DIAPH2: variants seen among roughly 807,000 people sequenced by gnomAD.
DIAPH2 encodes the protein diaphanous related formin 2.
A neutral mutation model predicts 92.7 loss-of-function variants in DIAPH2; 35 were observed. That is an observed-to-expected ratio of 0.38 (90% CI 0.29 to 0.50). The LOEUF is 0.50. DIAPH2 is among the 20% of genes least tolerant of loss of function. The pLI is 0.94. For synonymous variants in DIAPH2, 301 were observed against 280.4 expected (o/e 1.07, Z -0.73); for missense variants, 701 against 819.5 (o/e 0.86, Z 1.77).
At chrX:97,346,284 C>T (rs1006364240) in intron 23 of DIAPH2, among the ~76,000 whole-genome samples, 12 of 110,999 alleles carry the variant, frequency 1.1e-4, no homozygotes, top group African/African-American at 3.9e-4. Flanking sequence ...GCCCTTTGGG[C>T]GATTAAGGTT....
At chrX:96,691,121 C>CAGCATACAT (rs1278839237) in intron 1 of DIAPH2, among the ~76,000 whole-genome samples, 16 of 111,780 alleles carry the variant, frequency 1.4e-4, no homozygotes, top group Non-Finnish European at 2.4e-4. Flanking sequence ...CTGTAAATAA[C>CAGCATACAT]AGCATACATA....
At chrX:97,546,555 G>A (rs887989319) in intron 26 of DIAPH2, among the ~76,000 whole-genome samples, 8 of 111,592 alleles carry the variant, frequency 7.2e-5, no homozygotes, top group Non-Finnish European at 1.5e-4. Flanking sequence ...CACGATCTTC[G>A]CTGGGAGTGG....
intron 17 of DIAPH2, among the ~76,000 whole-genome samples, chrX:96,995,364 TAAGAG>T (rs1413156801): frequency 9.0e-6 from 1 of 111,499 alleles, no homozygotes; most frequent in Non-Finnish European, 1.9e-5. Context: ...TAACGTTTGT[TAAGAG>T]AAAGAAAGAA....
chrX:96,835,694 G>T (rs975710467), intron 4 of DIAPH2, among the ~76,000 whole-genome samples: 1 of 112,297 alleles, frequency 8.9e-6, no homozygotes, highest in Non-Finnish European at 1.9e-5. Context: ...TTATCACAAA[G>T]AATGCTATTT....
intron 4 of DIAPH2, among the ~76,000 whole-genome samples, chrX:96,863,267 A>AT (rs1204362811): frequency 1.3e-5 from 1 of 79,219 alleles, no homozygotes; most frequent in African/African-American, 4.9e-5. Flanking sequence ...TTGGTTCTAC[A>AT]TTTTTTTCCT....
At chrX:97,384,096 G>A (rs1337335018) in intron 25 of DIAPH2, 52 bp downstream of exon 25, 1 of 990,224 alleles carries the variant, frequency 1.0e-6, no homozygotes, top group Admixed American at 3.0e-5. Flanking sequence ...CAAAATAATT[G>A]CAGTTATTTA....
chrX:96,955,522 A>G (rs1234592825), intron 15 of DIAPH2, among the ~76,000 whole-genome samples: 1 of 111,064 alleles, frequency 9.0e-6, no homozygotes, highest in African/African-American at 3.3e-5. Context: ...CATTAACCCA[A>G]AAGTCCAAGT....
intron 19 of DIAPH2, among the ~76,000 whole-genome samples, chrX:97,094,130 G>C (rs765835955): frequency 9.0e-6 from 1 of 111,454 alleles, no homozygotes; most frequent in Non-Finnish European, 1.9e-5. Flanking sequence ...CTTTAGATTT[G>C]TTCAGTTTGA....
intron 22 of DIAPH2, among the ~76,000 whole-genome samples, chrX:97,167,691 C>T (rs1400763661): frequency 9.0e-6 from 1 of 111,431 alleles, no homozygotes. Context: ...TTGTACTGTA[C>T]CAATTTATAA....
In DIAPH2 at chrX:97,298,879, A is replaced by G. The variant is rs1324338599; in HGVS notation, c.2845-49237A>G. On this transcript the variant is annotated intron_variant, in intron 23 of 26. Transcript: ENST00000324765. ...GTGATCCGCCCGCCTCCGCCTCCCA[A>G]AGTGCTGGGATTACAGGCGTGAGCC... Among the ~76,000 whole-genome samples the G allele has an allele frequency of 8.1e-5, 9 of 110,554 alleles. No homozygotes were observed. In the Admixed American group the frequency reaches 8.7e-4, roughly 11 times the overall value.
At chrX:97,429,413 A>G (rs1049681205) in intron 25 of DIAPH2, among the ~76,000 whole-genome samples, 1 of 111,526 alleles carries the variant, frequency 9.0e-6, no homozygotes, top group African/African-American at 3.3e-5. Flanking sequence ...TCAATAATAC[A>G]AAAGACAAGG....
intron 21 of DIAPH2, among the ~76,000 whole-genome samples, chrX:97,124,896 T>C (rs2067081714): frequency 9.0e-6 from 1 of 111,500 alleles, no homozygotes; most frequent in Admixed American, 9.6e-5. Context: ...ATGACCTTTT[T>C]GTTATGGAAG....
At chrX:97,187,281 C>CTTTTTTTGT (rs2067613538) in intron 22 of DIAPH2, among the ~76,000 whole-genome samples, 1 of 36,889 alleles carries the variant, frequency 2.7e-5, no homozygotes, top group Admixed American at 5.9e-4. Flanking sequence ...ATTAAGTAGC[C>CTTTTTTTGT]TTTTTTTTTT....
At chrX:97,385,589 T>C (rs1401524768) in intron 25 of DIAPH2, among the ~76,000 whole-genome samples, 1 of 111,413 alleles carries the variant, frequency 9.0e-6, no homozygotes, top group Non-Finnish European at 1.9e-5. Flanking sequence ...ACTATTATCA[T>C]CTCATTTTAC....
chrX:97,479,281 G>A (rs2070633557), intron 26 of DIAPH2, among the ~76,000 whole-genome samples: 1 of 109,752 alleles, frequency 9.1e-6, no homozygotes, highest in East Asian at 3.0e-4. Flanking sequence ...GCACAGCCTT[G>A]TGCTTTCTAC....
intron 25 of DIAPH2, among the ~76,000 whole-genome samples, chrX:97,392,810 C>A (rs1315308788): frequency 8.9e-6 from 1 of 111,955 alleles, no homozygotes; most frequent in Non-Finnish European, 1.9e-5. Flanking sequence ...TCAATTTTTT[C>A]TTCTGTAAAA....
At chrX:97,517,425 A>G (rs1433208581) in intron 26 of DIAPH2, among the ~76,000 whole-genome samples, 1 of 112,102 alleles carries the variant, frequency 8.9e-6, no homozygotes, top group Non-Finnish European at 1.9e-5. Context: ...AAGCATGGCA[A>G]TAATCTATAA....
At position 97,195,302 on chromosome X, in the gene DIAPH2, C is replaced by T. The variant is rs1215231128; in HGVS notation, c.2720-52413C>T. Among the ~76,000 whole-genome samples the T allele has an allele frequency of 2.7e-5, 3 of 111,425 alleles. No homozygotes were observed. In the Admixed American group the frequency reaches 2.9e-4, roughly 11 times the overall value. ...TATTAAAGTGTAACTTCAGCATTGT[C>T]CCTTGAAGTATAATTGGAAATTGCC... On this transcript the variant is annotated intron_variant, in intron 22 of 26. Transcript: ENST00000324765.
At chrX:97,227,613 A>G (rs1252656308) in intron 22 of DIAPH2, among the ~76,000 whole-genome samples, 2 of 112,103 alleles carry the variant, frequency 1.8e-5, no homozygotes, top group Admixed American at 1.9e-4. Context: ...ACTTATCTCA[A>G]ACAGGTCTTA....
Sources: gnomAD v4.1 joint callset for allele counts (sites outside exome capture counted in the v4.1 genomes callset) on GRCh38, gnomAD v4.1.1 for gene constraint, MANE v1.5 for transcripts, NCBI Gene and HGNC (gene_info 2026-07-23, HGNC 2026-07-21) for gene names.